Variants in ADGRL3 observed in about 807,000 individuals in gnomAD.
ADGRL3 encodes the protein adhesion G protein-coupled receptor L3, also known as calcium-independent alpha-latrotoxin receptor 3.
A neutral mutation model predicts 153.5 loss-of-function variants in ADGRL3; 62 were observed. The observed-to-expected ratio is 0.40, with a 90% confidence interval of 0.33 to 0.50. The LOEUF is 0.50. ADGRL3 is among the 20% of genes least tolerant of loss of function. ADGRL3 has a pLI of 0.47. For missense variants in ADGRL3, 1,641 were observed against 1,859.4 expected, an observed-to-expected ratio of 0.88 and a Z score of 2.16; for synonymous variants, 710 against 672.5, an observed-to-expected ratio of 1.06 and a Z score of -0.86.
intron 8 of ADGRL3, among the ~76,000 whole-genome samples, chr4:61,807,228 G>A (rs1047371153): frequency 2.4e-4 from 36 of 152,116 alleles, no homozygotes; most frequent in African/African-American, 8.4e-4. Context: ...TTAGTAATGA[G>A]GGAATTAATG....
chr4:61,866,913 G>T (rs2098403727), intron 9 of ADGRL3, among the ~76,000 whole-genome samples: 1 of 152,108 alleles, frequency 6.6e-6, no homozygotes, highest in African/African-American at 2.4e-5. Context: ...CTTTTTTGAA[G>T]ATCCTGGTAT....
intron 23 of ADGRL3, among the ~76,000 whole-genome samples, chr4:62,036,387 A>G (rs995004823): frequency 6.6e-6 from 1 of 151,742 alleles, no homozygotes; most frequent in Non-Finnish European, 1.5e-5. Flanking sequence ...TCCCACACCT[A>G]CTTCCCGCAG....
chr4:61,310,747 T>A (rs914821296), intron 1 of ADGRL3, among the ~76,000 whole-genome samples: 12 of 149,764 alleles, frequency 8.0e-5, no homozygotes, highest in South Asian at 4.3e-4. Flanking sequence ...TTTTTTTTTT[T>A]AAATTCCTTT....
chr4:61,632,868 A>T (rs2093248027), intron 5 of ADGRL3, among the ~76,000 whole-genome samples: 1 of 152,180 alleles, frequency 6.6e-6, no homozygotes, highest in Non-Finnish European at 1.5e-5. Context: ...CAAGTCTGAG[A>T]TATTCACATT....
At chr4:62,055,871 A>T (rs1256379596) in intron 25 of ADGRL3, among the ~76,000 whole-genome samples, 1 of 151,588 alleles carries the variant, frequency 6.6e-6, no homozygotes, top group African/African-American at 2.4e-5. Context: ...TGTTCTCTGT[A>T]ATTCTAGAAG....
chr4:61,969,198 C>T (rs1461999602), intron 17 of ADGRL3, among the ~76,000 whole-genome samples: 1 of 152,042 alleles, frequency 6.6e-6, no homozygotes, highest in African/African-American at 2.4e-5. Context: ...GTGTGTTGAG[C>T]AATCAAGGGA....
At chr4:61,374,986 C>T (rs2096586766) in intron 1 of ADGRL3, among the ~76,000 whole-genome samples, 1 of 151,852 alleles carries the variant, frequency 6.6e-6, no homozygotes, top group African/African-American at 2.4e-5. Flanking sequence ...TCATTAGATG[C>T]CAGGTTCTTG....
At chr4:61,638,926 G>C (rs556629614) in intron 5 of ADGRL3, among the ~76,000 whole-genome samples, 26 of 152,178 alleles carry the variant, frequency 1.7e-4, no homozygotes, top group Admixed American at 1.4e-3. Flanking sequence ...CACTTAATTT[G>C]AGTGGTCCCA....
chr4:61,799,026 T>C (rs2097453362), intron 8 of ADGRL3, among the ~76,000 whole-genome samples: 1 of 127,476 alleles, frequency 7.8e-6, no homozygotes, highest in African/African-American at 2.9e-5. Context: ...TATATATATA[T>C]ATATATATAT....
At chr4:61,247,159 T>C (rs1757426173) in intron 1 of ADGRL3, among the ~76,000 whole-genome samples, 1 of 152,102 alleles carries the variant, frequency 6.6e-6, no homozygotes, top group African/African-American at 2.4e-5. Context: ...TTTTTTTAGC[T>C]AAATTCATTT....
chr4:61,363,468 G>C (rs2151537887), intron 1 of ADGRL3, among the ~76,000 whole-genome samples: 1 of 152,080 alleles, frequency 6.6e-6, no homozygotes, highest in Middle Eastern at 3.4e-3. Context: ...CGTAGGTTAT[G>C]ATGCCCAACC....
At chr4:61,616,656 G>T (rs1497918) in intron 5 of ADGRL3, among the ~76,000 whole-genome samples, 142,046 of 152,232 alleles carry the variant, frequency 0.93, 66,587 homozygotes, top group Middle Eastern at 0.99. Context: ...GATTTTGATT[G>T]ATACTTGAAA....
chr4:61,646,641 T>C (rs977123884), intron 5 of ADGRL3, among the ~76,000 whole-genome samples: 13 of 152,104 alleles, frequency 8.5e-5, no homozygotes, highest in African/African-American at 3.1e-4. Context: ...CGTTCTCAGA[T>C]CTCCAGCTGC....
chr4:61,598,857 A>T (rs2149492613), intron 5 of ADGRL3, among the ~76,000 whole-genome samples: 1 of 152,272 alleles, frequency 6.6e-6, no homozygotes, highest in South Asian at 2.1e-4. Flanking sequence ...TGATTTTGTC[A>T]GGATGATAGA....
At chr4:61,565,535 G>C (rs1362400357) in intron 4 of ADGRL3, among the ~76,000 whole-genome samples, 2 of 151,398 alleles carry the variant, frequency 1.3e-5, no homozygotes, top group Non-Finnish European at 3.0e-5. Flanking sequence ...TTGGATTTGG[G>C]CTTTTTTTTT....
chr4:61,993,383 C>G (rs1218385167), intron 19 of ADGRL3, among the ~76,000 whole-genome samples: 1 of 149,820 alleles, frequency 6.7e-6, no homozygotes, highest in Non-Finnish European at 1.5e-5. Context: ...ACCTCTGCCC[C>G]CAGATTCCAG....
chr4:61,229,581 A>G (rs886425422), intron 1 of ADGRL3, among the ~76,000 whole-genome samples: 1 of 151,788 alleles, frequency 6.6e-6, no homozygotes, highest in Non-Finnish European at 1.5e-5. Flanking sequence ...TAATTTTGTA[A>G]ATATGTGAAA....
At chr4:61,421,033 G>C (rs913562230) in intron 2 of ADGRL3, among the ~76,000 whole-genome samples, 1 of 151,920 alleles carries the variant, frequency 6.6e-6, no homozygotes, top group Non-Finnish European at 1.5e-5. Context: ...AATGCTGGCC[G>C]GGCACAGTGG....
chr4:61,678,112 C>A (rs546814334), intron 6 of ADGRL3, among the ~76,000 whole-genome samples: 9 of 151,946 alleles, frequency 5.9e-5, no homozygotes, highest in Admixed American at 2.0e-4. Flanking sequence ...TCTATAGGCC[C>A]TTCTATGAAA....
Sources: gnomAD v4.1 joint callset for allele counts (sites outside exome capture counted in the v4.1 genomes callset) on GRCh38, gnomAD v4.1.1 for gene constraint, MANE v1.5 for transcripts, NCBI Gene and HGNC (gene_info 2026-07-23, HGNC 2026-07-21) for gene names.